DLGAP1: variants seen among roughly 807,000 people sequenced by gnomAD.
The protein encoded by DLGAP1 is disks large-associated protein 1.
DLGAP1 carries 11 observed loss-of-function variants against 90.8 expected under a neutral mutation model. The observed-to-expected ratio is 0.12, with a 90% CI of 0.08 to 0.20. The LOEUF is 0.20. Ranked by LOEUF, DLGAP1 falls within the 10% of genes least tolerant of loss-of-function variation. The pLI, the probability that DLGAP1 is intolerant of heterozygous loss-of-function variation, is 1.00. For missense variants in DLGAP1, 1,050 were observed against 1,333.8 expected, an observed-to-expected ratio of 0.79 and a Z score of 3.31; for synonymous variants, 558 against 540.7, an observed-to-expected ratio of 1.03 and a Z score of -0.44.
intron 2 of DLGAP1, among the ~76,000 whole-genome samples, chr18:4,055,351 G>A (rs1598315690): frequency 1.3e-5 from 2 of 152,308 alleles, no homozygotes; most frequent in South Asian, 2.1e-4. Flanking sequence ...TGCACACCGT[G>A]AGAGTTTGGT....
intron 7 of DLGAP1, among the ~76,000 whole-genome samples, chr18:3,602,289 T>C: frequency 6.6e-6 from 1 of 151,916 alleles, no homozygotes; most frequent in Non-Finnish European, 1.5e-5. Flanking sequence ...GTAACACAGT[T>C]TGAATTAAAG....
intron 3 of DLGAP1, among the ~76,000 whole-genome samples, chr18:3,919,155 T>C (rs1353204040): frequency 6.6e-6 from 1 of 152,248 alleles, no homozygotes; most frequent in Non-Finnish European, 1.5e-5. Context: ...CTTAGTTTCA[T>C]AGGCATTTTG....
At chr18:4,309,398 G>A (rs1054147528) in intron 1 of DLGAP1, among the ~76,000 whole-genome samples, 4 of 152,162 alleles carry the variant, frequency 2.6e-5, no homozygotes, top group African/African-American at 9.7e-5. Context: ...AAAAGCAAGA[G>A]AGTGCAAGAG....
intron 3 of DLGAP1, among the ~76,000 whole-genome samples, chr18:3,997,568 C>A (rs960266156): frequency 6.6e-6 from 1 of 151,996 alleles, no homozygotes; most frequent in African/African-American, 2.4e-5. Context: ...TGTAAGGTGT[C>A]ATTTAACATG....
chr18:3,923,863 C>G (rs987599601), intron 3 of DLGAP1, among the ~76,000 whole-genome samples: 1 of 152,176 alleles, frequency 6.6e-6, no homozygotes. Context: ...AAAATTACAT[C>G]AAAGTCGTGG....
intron 7 of DLGAP1, among the ~76,000 whole-genome samples, chr18:3,697,186 C>T (rs2061124575): frequency 6.6e-6 from 1 of 151,946 alleles, no homozygotes; most frequent in African/African-American, 2.4e-5. Flanking sequence ...TTTTGTGTCT[C>T]TATCTCCTTC....
intron 7 of DLGAP1, among the ~76,000 whole-genome samples, chr18:3,643,418 C>T (rs2059008109): frequency 6.6e-6 from 1 of 152,114 alleles, no homozygotes; most frequent in Non-Finnish European, 1.5e-5. Flanking sequence ...AATCCTAGCA[C>T]TTTGGGAGGC....
intron 1 of DLGAP1, among the ~76,000 whole-genome samples, chr18:4,237,418 A>G (rs940748838): frequency 6.6e-6 from 1 of 152,050 alleles, no homozygotes; most frequent in African/African-American, 2.4e-5. Flanking sequence ...TAGGATTTTC[A>G]ACTGAGTGGA....
At chr18:3,692,659 G>C (rs917837507) in intron 7 of DLGAP1, among the ~76,000 whole-genome samples, 5 of 152,172 alleles carry the variant, frequency 3.3e-5, no homozygotes, top group Non-Finnish European at 7.4e-5. Context: ...CTCTTTGCTA[G>C]CTACTCAGTA....
intron 2 of DLGAP1, among the ~76,000 whole-genome samples, chr18:4,065,517 A>G (rs963717198): frequency 1.3e-5 from 2 of 152,150 alleles, no homozygotes; most frequent in African/African-American, 4.8e-5. Context: ...TAGCATTTCT[A>G]TACACCAACA....
chr18:3,618,322 T>C (rs1231827435), intron 7 of DLGAP1, among the ~76,000 whole-genome samples: 1 of 152,148 alleles, frequency 6.6e-6, no homozygotes, highest in Non-Finnish European at 1.5e-5. Flanking sequence ...TTGTTTCAAC[T>C]TGCGGGCTGT....
At chr18:3,842,313 ACTCT>A (rs1164228197) in intron 4 of DLGAP1, among the ~76,000 whole-genome samples, 5 of 152,126 alleles carry the variant, frequency 3.3e-5, no homozygotes, top group African/African-American at 1.2e-4. Context: ...GCTACATCAT[ACTCT>A]CTAAGTCATG....
chr18:4,306,505 G>A (rs1397666595), intron 1 of DLGAP1, among the ~76,000 whole-genome samples: 2 of 151,630 alleles, frequency 1.3e-5, no homozygotes, highest in South Asian at 4.2e-4. Flanking sequence ...AAGAAGAAAG[G>A]AGGGAAAGGG....
intron 2 of DLGAP1, among the ~76,000 whole-genome samples, chr18:4,070,627 A>G (rs2075433849): frequency 6.6e-6 from 1 of 151,794 alleles, no homozygotes; most frequent in Non-Finnish European, 1.5e-5. Flanking sequence ...TTATTTTATT[A>G]ATTAATTATG....
intron 1 of DLGAP1, among the ~76,000 whole-genome samples, chr18:4,418,883 G>A (rs2082965791): frequency 6.6e-6 from 1 of 151,720 alleles, no homozygotes; most frequent in African/African-American, 2.4e-5. Context: ...ACCTCAGAGA[G>A]CGCAAAGCAT....
At chr18:4,380,747 T>C (rs940390402) in intron 1 of DLGAP1, among the ~76,000 whole-genome samples, 1 of 152,206 alleles carries the variant, frequency 6.6e-6, no homozygotes, top group Non-Finnish European at 1.5e-5. Flanking sequence ...TGTATACTAA[T>C]TAACGAAACT....
chr18:4,265,155 T>TTCCTTC (rs2079082456), intron 1 of DLGAP1, among the ~76,000 whole-genome samples: 2 of 135,498 alleles, frequency 1.5e-5, no homozygotes, highest in African/African-American at 6.2e-5. Context: ...TCCCATCCTC[T>TTCCTTC]CTTCCTCCCT....
At chr18:3,580,193 T>C (rs582324) in intron 8 of DLGAP1, 194,982 of 1,496,494 alleles carry the variant, frequency 0.13, 13,554 homozygotes, top group Middle Eastern at 0.17. Context: ...GAGCCAGACG[T>C]CCAAAGTCAA....
At chr18:4,405,835 G>A (rs548466177) in intron 1 of DLGAP1, among the ~76,000 whole-genome samples, 2 of 152,108 alleles carry the variant, frequency 1.3e-5, no homozygotes, top group Admixed American at 6.5e-5. Context: ...GGAAGGTTTT[G>A]ACTACCAGTT....
Sources: allele counts gnomAD v4.1 joint callset (sites outside exome capture counted in the v4.1 genomes callset), GRCh38; gene constraint gnomAD v4.1.1; transcripts MANE v1.5; gene names NCBI Gene and HGNC (gene_info 2026-07-23, HGNC 2026-07-21).